DPP6: variants seen among roughly 807,000 people sequenced by gnomAD.
The protein encoded by DPP6 is dipeptidyl peptidase like 6, also known as A-type potassium channel modulatory protein DPP6.
A neutral mutation model predicts 122.6 loss-of-function variants in DPP6; 69 were observed. The ratio of observed to expected loss-of-function variants is 0.56; its 90% CI spans 0.46 to 0.69. The LOEUF is 0.69. Among genes scored for constraint, DPP6 ranks in the 30% least tolerant of loss-of-function variants. The pLI is 0.00. For synonymous variants in DPP6, 418 were observed against 433.1 expected, an observed-to-expected ratio of 0.97 and a Z score of 0.43; for missense variants, 928 against 1,116.9, an observed-to-expected ratio of 0.83 and a Z score of 2.41.
At chr7:154,793,914 C>T in intron 10 of DPP6, 165 bp from the exon 11 acceptor site, 4 of 1,160,138 alleles carry the variant, frequency 3.4e-6, no homozygotes, top group Middle Eastern at 2.3e-4. Context: ...CGCGCCAGTG[C>T]AGATTCTTTA....
chr7:153,984,754 A>T (rs1265401233), intron 1 of DPP6, among the ~76,000 whole-genome samples: 9 of 152,150 alleles, frequency 5.9e-5, no homozygotes, highest in Non-Finnish European at 2.9e-5. Context: ...TTAAAATTCA[A>T]ACTCTTTTGA....
At chr7:153,768,738 TTC>T in the DPP6 span, among the ~76,000 whole-genome samples, 1 of 152,164 alleles carries the variant, frequency 6.6e-6, no homozygotes, top group Non-Finnish European at 1.5e-5. Context: ...TTGAAAAGAG[TTC>T]TTTGTCAGAT....
chr7:153,934,679 C>T (rs942559949), intron 1 of DPP6, among the ~76,000 whole-genome samples: 4 of 152,198 alleles, frequency 2.6e-5, no homozygotes, highest in Non-Finnish European at 4.4e-5. Flanking sequence ...CAGACACTCA[C>T]AGCTGTCATC....
chr7:154,769,160 G>A (rs918406732), intron 8 of DPP6, among the ~76,000 whole-genome samples: 1 of 152,174 alleles, frequency 6.6e-6, no homozygotes, highest in Non-Finnish European at 1.5e-5. Context: ...GTTTCCAGAC[G>A]ATTAGCATCT....
At chr7:154,738,332 A>T (rs1351889676) in intron 8 of DPP6, among the ~76,000 whole-genome samples, 1 of 152,150 alleles carries the variant, frequency 6.6e-6, no homozygotes, top group Non-Finnish European at 1.5e-5. Context: ...CCTTGCTCCA[A>T]ATCTTCCTCT....
intron 7 of DPP6, among the ~76,000 whole-genome samples, chr7:154,684,556 T>A (rs986034709): frequency 6.6e-6 from 1 of 152,248 alleles, no homozygotes; most frequent in Non-Finnish European, 1.5e-5. Context: ...TGTTTTCACC[T>A]ATTGGAGATG....
the DPP6 span, among the ~76,000 whole-genome samples, chr7:153,805,034 A>G: frequency 1.3e-5 from 2 of 152,224 alleles, no homozygotes; most frequent in Admixed American, 1.3e-4. Context: ...AAGACATTTC[A>G]GGAATGCAGA....
chr7:154,791,878 T>C (rs971600971), intron 10 of DPP6, among the ~76,000 whole-genome samples: 3 of 152,216 alleles, frequency 2.0e-5, no homozygotes, highest in Non-Finnish European at 4.4e-5. Context: ...TCTGGAGGCA[T>C]CAAGAGAAAG....
At chr7:154,318,459 C>T (rs934971004) in intron 1 of DPP6, among the ~76,000 whole-genome samples, 2 of 152,248 alleles carry the variant, frequency 1.3e-5, no homozygotes, top group Middle Eastern at 3.4e-3. Flanking sequence ...ACTTGCTCTC[C>T]CCACCTCTCT....
intron 1 of DPP6, among the ~76,000 whole-genome samples, chr7:154,355,469 G>A (rs1022197188): frequency 1.3e-5 from 2 of 152,128 alleles, no homozygotes; most frequent in African/African-American, 4.8e-5. Flanking sequence ...AAATGTTTCT[G>A]TTATTTGCTA....
intron 8 of DPP6, among the ~76,000 whole-genome samples, chr7:154,737,422 A>C (rs1001948417): frequency 4.6e-5 from 7 of 152,148 alleles, no homozygotes; most frequent in Non-Finnish European, 1.0e-4. Flanking sequence ...ACCTAACACC[A>C]TGCAAAGCCT....
chr7:154,630,805 G>A (rs1388761557), intron 5 of DPP6, among the ~76,000 whole-genome samples: 1 of 152,058 alleles, frequency 6.6e-6, no homozygotes, highest in African/African-American at 2.4e-5. Flanking sequence ...GCAAGGGGAG[G>A]GAGAGCATTA....
chr7:154,096,556 T>G (rs1585369443), intron 1 of DPP6, among the ~76,000 whole-genome samples: 2 of 152,032 alleles, frequency 1.3e-5, no homozygotes, highest in East Asian at 3.9e-4. Context: ...ATTTTAAATC[T>G]TGGTATTTGT....
intron 1 of DPP6, among the ~76,000 whole-genome samples, chr7:153,899,214 T>C (rs961245416): frequency 4.6e-5 from 7 of 151,446 alleles, no homozygotes; most frequent in South Asian, 2.1e-4. Context: ...TCCTCCTCCT[T>C]CTCCTCCTCC....
chr7:154,621,087 A>G lies in DPP6; in HGVS notation c.628-16734A>G, dbSNP rs183357954. 1.6e-4 allele frequency among the ~76,000 whole-genome samples: 24 copies of G among 152,328 alleles called. No individual in the cohort carries two copies. The East Asian group carries it at 2.3e-3, about 15-fold the overall frequency. ...TCAATACTACCCCTATGTTTTCAAGAGTTCCTGTTTCCCAATGCTAGTCAA... is the reference window on the plus strand; with the variant it reads ...TCAATACTACCCCTATGTTTTCAAGGGTTCCTGTTTCCCAATGCTAGTCAA... On this transcript the variant is annotated intron_variant, in intron 5 of 25. Transcript: ENST00000377770.
intron 7 of DPP6, among the ~76,000 whole-genome samples, chr7:154,709,101 C>G (rs139920184): frequency 6.6e-6 from 1 of 152,020 alleles, no homozygotes; most frequent in African/African-American, 2.4e-5. Flanking sequence ...TATAAATTAA[C>G]CATTATATTA....
In DPP6 at chr7:154,198,732, T is replaced by C. The variant is rs200329775; in HGVS notation, c.243+145669T>C. 2.6e-5 allele frequency among the ~76,000 whole-genome samples: 4 copies of C among 152,232 alleles called. No homozygotes were observed. In the East Asian group the frequency reaches 5.8e-4, roughly 22 times the overall value. ...ATTTCAACTGGATTAACCATTGTTA[T>C]ACAAACATATGTGCATGTGGATATC... On this transcript the variant is annotated intron_variant, in intron 1 of 25. Transcript: ENST00000377770.
intron 17 of DPP6, among the ~76,000 whole-genome samples, chr7:154,855,822 T>C (rs569113308): frequency 6.6e-6 from 1 of 152,360 alleles, no homozygotes; most frequent in East Asian, 1.9e-4. Flanking sequence ...AACTGTGACA[T>C]CTTTTTTTTC....
chr7:154,488,766 G>T (rs1208594159), intron 3 of DPP6, among the ~76,000 whole-genome samples: 1 of 152,116 alleles, frequency 6.6e-6, no homozygotes, highest in African/African-American at 2.4e-5. Context: ...ATGAAGCTAT[G>T]TCCTATGGAA....
Sources: gnomAD v4.1 joint callset for allele counts (sites outside exome capture counted in the v4.1 genomes callset) on GRCh38, gnomAD v4.1.1 for gene constraint, MANE v1.5 for transcripts, NCBI Gene and HGNC (gene_info 2026-07-23, HGNC 2026-07-21) for gene names.